The following GALNT5 variants were observed in gnomAD, a reference collection of about 807,000 sequenced individuals.
The protein encoded by GALNT5 is polypeptide N-acetylgalactosaminyltransferase 5.
In GALNT5, 72 loss-of-function variants were observed where a neutral mutation model predicts 85.4. The ratio of observed to expected loss-of-function variants is 0.84; its 90% confidence interval spans 0.70 to 1.03. The LOEUF is 1.03. GALNT5 is among the 50% of genes least tolerant of loss of function. The pLI, the probability that GALNT5 is intolerant of heterozygous loss-of-function variation, is 0.00. For synonymous variants in GALNT5, 404 were observed against 397.0 expected, an observed-to-expected ratio of 1.02 and a Z score of -0.21; for missense variants, 1,137 against 1,135.5, an observed-to-expected ratio of 1.00 and a Z score of -0.02.
intron 8 of GALNT5, 44 bp from the exon 9 acceptor site, chr2:157,308,523 G>C: frequency 6.6e-7 from 1 of 1,508,634 alleles, no homozygotes; most frequent in Non-Finnish European, 9.0e-7. Flanking sequence ...GCCCCTGCCT[G>C]TGTTTGCTGC....
At position 157,258,920 on chromosome 2, in the gene GALNT5, A is replaced by C. The variant is rs376454596; in HGVS notation, c.838A>C (p.Lys280Gln). 3.0e-5 allele frequency: 46 copies of C among 1,551,536 alleles called. No homozygotes were observed. The African/African-American group carries it at 5.6e-4, about 19-fold the overall frequency. ...AGCCAATACGAGTCTTCCTTTTCCTAAGTTCACTGTCAATTCAAATCGCTT... is the reference window on the plus strand; with the variant it reads ...AGCCAATACGAGTCTTCCTTTTCCTCAGTTCACTGTCAATTCAAATCGCTT... ...HKANTSLPFP[K>Q]FTVNSNRLRK... Residue 280 changes from lysine (K) to glutamine (Q), a missense_variant, in exon 1 of 10, where the codon AAG becomes CAG. Lys to Gln is a moderately conservative substitution (Grantham distance 53). Coordinates refer to ENST00000259056, the MANE Select transcript of GALNT5 (RefSeq NM_014568.3).
Position 157,275,068 on chromosome 2 carries a change from C to A in GALNT5, c.1455-9214C>A, listed in dbSNP as rs188698081. On this transcript the variant is annotated intron_variant, in intron 1 of 9. Transcript: ENST00000259056. ...ACATATGGCTAGCCAGTTTTCCCAG[C>A]ACCATTTATTAAATAGGGTCCTTTC... is the stretch of plus-strand genomic sequence containing the variant. Among the ~76,000 whole-genome samples, 13 of 152,330 alleles carry A rather than the reference C, an allele frequency of 8.5e-5. No individual in the cohort carries two copies. The East Asian group carries it at 2.5e-3, about 29-fold the overall frequency.
Position 157,286,110 on chromosome 2 carries a change from C to A in GALNT5, c.1717C>A (p.Leu573Met), listed in dbSNP as rs1682964113. ...GAGACATGGCTTAATAAGGGCCAGG[C>A]TGGCAGGAGCACAGAATGCAACAGG... is the stretch of plus-strand genomic sequence containing the variant. The part of the protein sequence containing the change: ...KERHGLIRAR[L>M]AGAQNATGDV... Residue 573 changes from leucine (L) to methionine (M), a missense_variant, in exon 3 of 10, where the codon CTG becomes ATG. Leu to Met is a conservative substitution (Grantham distance 15). Coordinates refer to ENST00000259056, the MANE Select transcript of GALNT5 (RefSeq NM_014568.3). 1.2e-6 allele frequency: 2 copies of A among 1,613,414 alleles called. No individual in the cohort carries two copies. Among genetic ancestry groups the A allele is most frequent in the Non-Finnish European group, 1.7e-6 (2 of 1,179,346 alleles).
In GALNT5 at chr2:157,313,454, A is replaced by C. The variant is rs1162986265; in HGVS notation, c.*2106A>C. The C allele has an allele frequency of 1.3e-5, 2 of 152,168 alleles. No homozygotes were observed. Among genetic ancestry groups the C allele is most frequent in the Admixed American group, 1.3e-4 (2 of 15,268 alleles). 9.4% of individuals were successfully genotyped at this position (152,168 alleles called of 1,614,324 possible). On this transcript the variant is annotated 3_prime_UTR_variant, in exon 10 of 10. Transcript: ENST00000259056. The stretch of plus-strand genomic sequence containing the variant: ...TGTTATTAAATGATGCATGACTCTA[A>C]TTCTTTTCAAAACAGAGCCATATGG...
intron 1 of GALNT5, among the ~76,000 whole-genome samples, chr2:157,278,024 C>G (rs909238799): frequency 6.6e-6 from 1 of 152,150 alleles, no homozygotes; most frequent in African/African-American, 2.4e-5. Context: ...CTGGTGGTGA[C>G]AAAATCTCTC....
At chr2:157,271,275 A>G (rs997781577) in intron 1 of GALNT5, among the ~76,000 whole-genome samples, 3 of 152,246 alleles carry the variant, frequency 2.0e-5, no homozygotes, top group African/African-American at 7.2e-5. Context: ...GGGAACTGAA[A>G]GAAGGCCAAG....
chr2:157,284,305 A>T lies in GALNT5; in HGVS notation c.1478A>T (p.Asn493Ile), dbSNP rs1285378943. Reference sequence around the variant, plus strand: ...AGATGTGCAGAGCAGCTAGTTCACAATAACCTCCCAACCACCAGTGTCATC... The same window carrying T: ...AGATGTGCAGAGCAGCTAGTTCACATTAACCTCCCAACCACCAGTGTCATC... ...PAGCAEQLVH[N>I]NLPTTSVIMC... The change falls in exon 2 of 10, where the codon AAT becomes ATT. Residue 493 changes from asparagine to isoleucine, a missense_variant. Transcript: ENST00000259056. 4 of 1,614,002 alleles carry T rather than the reference A, an allele frequency of 2.5e-6. No homozygotes were observed. Among genetic ancestry groups the T allele is most frequent in the Middle Eastern group, 1.7e-4 (1 of 6,054 alleles).
chr2:157,269,322 A>C (rs1040388962), intron 1 of GALNT5, among the ~76,000 whole-genome samples: 7 of 152,168 alleles, frequency 4.6e-5, no homozygotes, highest in Non-Finnish European at 1.0e-4. Flanking sequence ...GAGTGCCTTG[A>C]CATGTCAGTC....
In GALNT5 at chr2:157,259,490, G is replaced by C; in HGVS notation, c.1408G>C (p.Asp470His). 7.0e-7 allele frequency: 1 copy of C among 1,433,528 alleles called. No individual in the cohort carries two copies. Among genetic ancestry groups the C allele is most frequent in the Non-Finnish European group, 9.2e-7 (1 of 1,088,108 alleles). 88.8% of individuals were successfully genotyped at this position (1,433,528 alleles called of 1,614,324 possible). Residue 470 changes from aspartate to histidine, a missense_variant, in exon 1 of 10, where the codon GAT (aspartate) becomes CAT (histidine). Asp to His is a moderately conservative substitution (Grantham distance 81). Coordinates refer to ENST00000259056, the MANE Select transcript of GALNT5 (RefSeq NM_014568.3). ...KEGNFNVYLS[D>H]LIPVDRAIED... is the part of the protein sequence containing the mutation. ...AGGAAACTTCAATGTCTACCTTAGC[G>C]ATTTGATCCCAGTGGATAGAGCCAT...
chr2:157,304,526 G>T (rs1317414400), intron 7 of GALNT5, among the ~76,000 whole-genome samples: 1 of 152,200 alleles, frequency 6.6e-6, no homozygotes, highest in Admixed American at 6.5e-5. Flanking sequence ...GGACAATCCA[G>T]CTTCCTTGTT....
At chr2:157,284,614 G>A (rs1330593584) in intron 2 of GALNT5, among the ~76,000 whole-genome samples, 166 bp downstream of exon 2, 1 of 152,182 alleles carries the variant, frequency 6.6e-6, no homozygotes, top group African/African-American at 2.4e-5. Flanking sequence ...AAGCATCTAT[G>A]GACGTTAAAA....
At chr2:157,291,001 A>T (rs1683085806) in intron 3 of GALNT5, among the ~76,000 whole-genome samples, 1 of 152,176 alleles carries the variant, frequency 6.6e-6, no homozygotes, top group South Asian at 2.1e-4. Flanking sequence ...GTGAATGAGG[A>T]GGTTGAGAGG....
At chr2:157,288,633 T>C (rs775780959) in intron 3 of GALNT5, among the ~76,000 whole-genome samples, 1 of 152,210 alleles carries the variant, frequency 6.6e-6, no homozygotes, top group Non-Finnish European at 1.5e-5. Flanking sequence ...TTTTCTAAAG[T>C]TTTGTGCATC....
At chr2:157,273,256 C>T (rs1249086101) in intron 1 of GALNT5, among the ~76,000 whole-genome samples, 1 of 152,132 alleles carries the variant, frequency 6.6e-6, no homozygotes, top group Non-Finnish European at 1.5e-5. Flanking sequence ...TTATGAAAAA[C>T]ATTTCAGAGT....
At chr2:157,281,209 C>A (rs140952367) in intron 1 of GALNT5, among the ~76,000 whole-genome samples, 2 of 152,252 alleles carry the variant, frequency 1.3e-5, no homozygotes, top group African/African-American at 4.8e-5. Flanking sequence ...GGATTACAGG[C>A]ACCCGCAACG....
chr2:157,286,127 T>C lies in GALNT5; in HGVS notation c.1734T>C (p.Asn578=), dbSNP rs776974341. ...LIRARLAGAQ[N]ATGDVLTFLD... The stretch of plus-strand genomic sequence containing the variant: ...GGGCCAGGCTGGCAGGAGCACAGAA[T>C]GCAACAGGTAAGAAGTTACTCATTT... The change falls in exon 3 of 10, where the codon AAT becomes AAC. Residue 578 remains asparagine, a synonymous_variant. Transcript: ENST00000259056. The C allele has an allele frequency of 8.7e-6, 14 of 1,613,268 alleles. No individual in the cohort carries two copies. Among genetic ancestry groups the C allele is most frequent in the East Asian group, 6.7e-5 (3 of 44,834 alleles).
chr2:157,308,363 C>T (rs541140535), intron 8 of GALNT5, among the ~76,000 whole-genome samples: 1 of 152,302 alleles, frequency 6.6e-6, no homozygotes, highest in Non-Finnish European at 1.5e-5. Context: ...CGCTATCCAA[C>T]TTAAAAATAA....
At chr2:157,302,912 A>G (rs1400398153) in intron 7 of GALNT5, among the ~76,000 whole-genome samples, 3 of 152,192 alleles carry the variant, frequency 2.0e-5, no homozygotes, top group Non-Finnish European at 4.4e-5. Context: ...TCTGAAGCAA[A>G]CCAGCAGGGA....
Position 157,316,617 on chromosome 2 carries a change from GA to G in GALNT5, c.*5278del, listed in dbSNP as rs1010138620. Among the ~76,000 whole-genome samples the G allele has an allele frequency of 6.7e-4, 101 of 150,630 alleles. No homozygotes were observed. The highest frequency in any genetic ancestry group is 2.2e-3 in the African/African-American group (92 of 41,150). ...TACAAGACAAAATGCCTTACAATTA[GA>G]AAAAAAAATTAACCAGAGATATTGT... On this transcript the variant is annotated 3_prime_UTR_variant, in exon 10 of 10. Coordinates refer to ENST00000259056, the MANE Select transcript of GALNT5 (RefSeq NM_014568.3).
Sources: gnomAD v4.1 joint callset for allele counts (sites outside exome capture counted in the v4.1 genomes callset) on GRCh38, gnomAD v4.1.1 for gene constraint, MANE v1.5 for transcripts, NCBI Gene and HGNC (gene_info 2026-07-23, HGNC 2026-07-21) for gene names.